FGFR1: variants seen among roughly 807,000 people sequenced by gnomAD.
FGFR1 encodes FGFR1/PLAG1 fusion.
A neutral mutation model predicts 93.7 loss-of-function variants in FGFR1; 18 were observed. That is an observed-to-expected ratio of 0.19 (90% CI 0.13 to 0.28). The LOEUF is 0.28. Ranked by LOEUF, FGFR1 falls within the 10% of genes least tolerant of loss-of-function variation. FGFR1 has a pLI of 1.00. For synonymous variants in FGFR1, 448 were observed against 429.3 expected (o/e 1.04, Z -0.54); for missense variants, 731 against 1,080.4 (o/e 0.68, Z 4.53).
At chr8:38,447,604 C>T (rs1436628730) in intron 2 of FGFR1, among the ~76,000 whole-genome samples, 2 of 152,136 alleles carry the variant, frequency 1.3e-5, no homozygotes, top group African/African-American at 4.8e-5. Flanking sequence ...GCCTCAGCCT[C>T]CTGAGTAGCT....
Position 38,428,413 on chromosome 8 carries a change from A to C in FGFR1, c.381T>G (p.Asp127Glu), listed in dbSNP as rs750795714. ...NVSDALPSSE[D>E]DDDDDDSSSE... ...AAGAGGAGTCATCATCATCATCATC[A>C]TCCTCCGAGGAGGGGAGAGCATCTA... The change falls in exon 4 of 18, where the codon GAT (aspartate) becomes GAG (glutamate). Residue 127 changes from aspartate to glutamate, a missense_variant. By Grantham distance (45) the Asp-to-Glu change is conservative. Around this residue, in one of 10 missense-constraint regions of FGFR1, gnomAD observed 212 missense variants for 205.8 expected, o/e 1.03. Transcript: ENST00000447712. 24 of 1,613,034 alleles carry C rather than the reference A, an allele frequency of 1.5e-5. No homozygotes were observed. The highest frequency in any genetic ancestry group is 1.9e-5 in the Non-Finnish European group (23 of 1,179,616).
intron 2 of FGFR1, among the ~76,000 whole-genome samples, chr8:38,448,227 TG>T (rs1259958591): frequency 6.6e-6 from 1 of 152,230 alleles, no homozygotes; most frequent in African/African-American, 2.4e-5. Context: ...TTTACAGGTC[TG>T]TATTTTCTGA....
intron 2 of FGFR1, among the ~76,000 whole-genome samples, chr8:38,455,836 T>C (rs183701213): frequency 4.1e-4 from 63 of 152,270 alleles, no homozygotes; most frequent in African/African-American, 1.5e-3. Context: ...CCACCTCTGG[T>C]TGTAACTTCA....
At position 38,429,647 on chromosome 8, in the gene FGFR1, C is replaced by T. The variant is rs1822132208; in HGVS notation, c.358+35G>A. ...GCAGAGAGGGCTGGAGGGGGTGGGTCTAGGGAGGGGCAAGGGCAGGGCTTG... is the reference window on the plus strand; with the variant it reads ...GCAGAGAGGGCTGGAGGGGGTGGGTTTAGGGAGGGGCAAGGGCAGGGCTTG... On this transcript the variant is annotated intron_variant, in intron 3 of 17. Transcript: ENST00000447712. This position sits in a 1 kb window ranked among gnomAD's most constrained non-coding sequence, Gnocchi z 4.4. The T allele has an allele frequency of 6.4e-7, 1 of 1,551,546 alleles. No individual in the cohort carries two copies. The highest frequency in any genetic ancestry group is 8.7e-7 in the Non-Finnish European group (1 of 1,146,820).
chr8:38,424,831 A>G lies in FGFR1; in HGVS notation c.746-132T>C, dbSNP rs1820157410. The G allele has an allele frequency of 1.1e-6, 1 of 895,460 alleles. No individual in the cohort carries two copies. Among genetic ancestry groups the G allele is most frequent in the Non-Finnish European group, 1.7e-6 (1 of 595,056 alleles). 55.5% of individuals were successfully genotyped at this position (895,460 alleles called of 1,614,324 possible). ...CCTCCCAGCACTTCTGCTGAGCCCA[A>G]GCCTCTCAAAACAGAGCTGGGGAAA... On this transcript the variant is annotated intron_variant, in intron 6 of 17. Transcript: ENST00000447712. The surrounding 1 kb of genome is among the most constrained non-coding windows in gnomAD (Gnocchi z 4.3).
At chr8:38,466,728 AT>A (rs1467068010) in intron 1 of FGFR1, 1 of 207,560 alleles carries the variant, frequency 4.8e-6, no homozygotes, top group Non-Finnish European at 9.8e-6. Flanking sequence ...AGGGAAGTTA[AT>A]AATGCGGCTG....
rs1835982266 is a variant in FGFR1, at chr8:38,468,394, C to A, written c.-502G>T. ...CCTGCGGGGCGCCCCGAGCTCGGAC[C>A]GGAGAAAAGTCCTTGGGTTCCGCGG... On this transcript the variant is annotated 5_prime_UTR_variant, in exon 1 of 18. Transcript: ENST00000447712. The A allele has an allele frequency of 4.4e-6, 1 of 228,312 alleles. No homozygotes were observed. The highest frequency in any genetic ancestry group is 8.7e-6 in the Non-Finnish European group (1 of 114,736). 14.1% of individuals were successfully genotyped at this position (228,312 alleles called of 1,614,324 possible).
intron 1 of FGFR1, among the ~76,000 whole-genome samples, chr8:38,458,333 G>C (rs935997524): frequency 1.3e-5 from 2 of 152,094 alleles, no homozygotes; most frequent in Admixed American, 6.6e-5. Context: ...TTGAGGTCAG[G>C]AGTTCAAGAC....
At chr8:38,440,319 G>A (rs762603852) in intron 2 of FGFR1, 62 of 1,604,670 alleles carry the variant, frequency 3.9e-5, no homozygotes, top group Non-Finnish European at 4.9e-5. Context: ...CGGCTGGCAG[G>A]ACCCGGCCAG....
Position 38,424,387 on chromosome 8 carries a change from G to T in FGFR1, c.936+122C>A. On this transcript the variant is annotated intron_variant, in intron 7 of 17. Coordinates refer to ENST00000447712, the MANE Select transcript of FGFR1 (RefSeq NM_023110.3). This position sits in a 1 kb window ranked among gnomAD's most constrained non-coding sequence, Gnocchi z 4.3. ...ATCCCTACTGAGATGGAGTGTGTGT[G>T]CCTGAAGCGTGAGGAATGATCCCAT... 9.9e-7 allele frequency: 1 copy of T among 1,010,484 alleles called. No individual in the cohort carries two copies. Among genetic ancestry groups the T allele is most frequent in the Non-Finnish European group, 1.6e-6 (1 of 643,836 alleles). 62.6% of individuals were successfully genotyped at this position (1,010,484 alleles called of 1,614,324 possible). A position where few individuals can be genotyped will look rare whatever the true frequency, so the allele number is the denominator to read the frequency against.
chr8:38,419,750 A>C lies in FGFR1; in HGVS notation c.1082-15T>G. 6.2e-7 allele frequency: 1 copy of C among 1,613,302 alleles called. No homozygotes were observed. The highest frequency in any genetic ancestry group is 8.5e-7 in the Non-Finnish European group (1 of 1,179,556). On this transcript the variant is annotated splice_polypyrimidine_tract_variant and intron_variant, in intron 8 of 17. Transcript: ENST00000447712. ...CTCTTCCAGGGCTGAGTCAGTGCGA[A>C]CAGGGTGTTAGCAGGCTTGGAGGGC...
intron 1 of FGFR1, among the ~76,000 whole-genome samples, chr8:38,466,895 A>ACCCCC (rs35393411): frequency 2.2e-5 from 3 of 135,704 alleles, no homozygotes; most frequent in East Asian, 2.3e-4. Flanking sequence ...TTCACACCCC[A>ACCCCC]CCCCCCCCCC....
Position 38,424,656 on chromosome 8 carries a change from G to C in FGFR1, c.789C>G (p.Ala263=). The C allele has an allele frequency of 6.2e-7, 1 of 1,612,598 alleles. No homozygotes were observed. The highest frequency in any genetic ancestry group is 8.5e-7 in the Non-Finnish European group (1 of 1,178,704). ...HRPILQAGLP[A]NKTVALGSNV... The stretch of plus-strand genomic sequence containing the variant: ...TGCTACCCAGGGCCACTGTTTTGTT[G>C]GCGGGCAACCCTGCTTGCAGGATGG... Residue 263 remains alanine, a synonymous_variant, in exon 7 of 18, where the codon GCC becomes GCG. Transcript: ENST00000447712. This position sits in a 1 kb window ranked among gnomAD's most constrained non-coding sequence, Gnocchi z 4.3.
At position 38,457,351 on chromosome 8, in the gene FGFR1, C is replaced by T. The variant is rs1325731051; in HGVS notation, c.91+5G>A. On this transcript the variant is annotated splice_donor_5th_base_variant and intron_variant, in intron 2 of 17. Transcript: ENST00000447712. Reference sequence around the variant, plus strand: ...AGTCCAGGCTGCCCCCAGCCAGCACCTTACCTTGTTCAGGCAAGGTCGGGG... The same window carrying T: ...AGTCCAGGCTGCCCCCAGCCAGCACTTTACCTTGTTCAGGCAAGGTCGGGG... 6.2e-7 allele frequency: 1 copy of T among 1,612,210 alleles called. No individual in the cohort carries two copies. Among genetic ancestry groups the T allele is most frequent in the African/African-American group, 1.3e-5 (1 of 74,914 alleles).
rs1833188341 is a variant in FGFR1 at position 38,457,534 on chromosome 8, C to T, written c.-88G>A. ...GCTCGATCCTCCTTTTCAAACTGAC[C>T]CTGAGGAAAGGAAAAAAACCCCAAA... On this transcript the variant is annotated splice_region_variant and 5_prime_UTR_variant, in exon 2 of 18. Coordinates refer to ENST00000447712, the MANE Select transcript of FGFR1 (RefSeq NM_023110.3). The T allele has an allele frequency of 6.3e-7, 1 of 1,584,354 alleles. No homozygotes were observed. Among genetic ancestry groups the T allele is most frequent in the African/African-American group, 1.3e-5 (1 of 74,374 alleles).
intron 2 of FGFR1, among the ~76,000 whole-genome samples, chr8:38,447,568 A>C (rs1586642719): frequency 6.6e-6 from 1 of 151,886 alleles, no homozygotes. Flanking sequence ...TGCAACCTCC[A>C]CCTCCTGGGT....
In FGFR1 at chr8:38,413,815, C is replaced by T. The variant is rs886062919; in HGVS notation, c.2293-11G>A. On this transcript the variant is annotated splice_polypyrimidine_tract_variant and intron_variant, in intron 17 of 17. Transcript: ENST00000447712. The surrounding 1 kb of genome is among the most constrained non-coding windows in gnomAD (Gnocchi z 4.2). ...CAGGTCCAGGTACTCCTGTGATGGG[C>T]GAGAGGAAGCAGCGATGGGCCGGGC... 1.8e-5 allele frequency: 29 copies of T among 1,613,734 alleles called. No homozygotes were observed. In the East Asian group the frequency reaches 3.1e-4, roughly 17 times the overall value.
rs999173745 is a variant in FGFR1, at chr8:38,424,234, C to A, written c.936+275G>T. 3 of 599,634 alleles carry A rather than the reference C, an allele frequency of 5.0e-6. No homozygotes were observed. Among genetic ancestry groups the A allele is most frequent in the Non-Finnish European group, 9.5e-6 (3 of 315,846 alleles). The allele number at this position is 599,634 out of a possible 1,614,324, so 37.1% of individuals were successfully genotyped here. ...CCAAATGCCTTCCTTGTGTAGCTGA[C>A]CCCAAAGCCCCAGTGACGTTGCTCT... On this transcript the variant is annotated intron_variant, in intron 7 of 17. Transcript: ENST00000447712. This position sits in a 1 kb window ranked among gnomAD's most constrained non-coding sequence, Gnocchi z 4.3.
intron 2 of FGFR1, among the ~76,000 whole-genome samples, chr8:38,439,225 C>A (rs1283133515): frequency 6.6e-6 from 1 of 152,166 alleles, no homozygotes; most frequent in Non-Finnish European, 1.5e-5. Context: ...TCCACTGTGT[C>A]CAGGTACTCT....
Sources: allele counts gnomAD v4.1 joint callset (sites outside exome capture counted in the v4.1 genomes callset), GRCh38; gene constraint gnomAD v4.1.1; regional missense constraint gnomAD v4.1.1; non-coding constraint Gnocchi (gnomAD v3.1); transcripts MANE v1.5; gene names NCBI Gene and HGNC (gene_info 2026-07-23, HGNC 2026-07-21).